Variants in INPP4B observed in about 807,000 individuals in gnomAD.
INPP4B encodes the protein inositol polyphosphate 4-phosphatase type II.
Under a neutral mutation model 122.5 loss-of-function variants are expected in INPP4B, and 55 were observed. The ratio of observed to expected loss-of-function variants is 0.45; its 90% confidence interval spans 0.36 to 0.56. The LOEUF is 0.56. Among genes scored for constraint, INPP4B ranks in the 20% least tolerant of loss-of-function variants. The pLI is 0.00. For synonymous variants in INPP4B, 403 were observed against 388.7 expected, an observed-to-expected ratio of 1.04 and a Z score of -0.43; for missense variants, 1,000 against 1,097.7, an observed-to-expected ratio of 0.91 and a Z score of 1.26.
At chr4:142,413,268 C>T (rs1044678307) in intron 5 of INPP4B, among the ~76,000 whole-genome samples, 6 of 151,776 alleles carry the variant, frequency 4.0e-5, no homozygotes, top group Non-Finnish European at 7.4e-5. Flanking sequence ...AAAGACAATA[C>T]GCATATAAGG....
At chr4:142,232,451 T>C (rs990888390) in intron 12 of INPP4B, among the ~76,000 whole-genome samples, 2 of 152,094 alleles carry the variant, frequency 1.3e-5, no homozygotes, top group Non-Finnish European at 2.9e-5. Context: ...GATATTACTA[T>C]TGTAATTATT....
At chr4:142,455,108 A>G (rs1202339211) in intron 3 of INPP4B, among the ~76,000 whole-genome samples, 1 of 152,048 alleles carries the variant, frequency 6.6e-6, no homozygotes, top group Non-Finnish European at 1.5e-5. Flanking sequence ...TGAAATAATG[A>G]CATCATGGAA....
intron 2 of INPP4B, among the ~76,000 whole-genome samples, chr4:142,602,333 G>T (rs1216871194): frequency 2.0e-5 from 3 of 152,018 alleles, no homozygotes; most frequent in Non-Finnish European, 2.9e-5. Context: ...AATCAGAGAG[G>T]ACACAAATAG....
At chr4:142,092,212 A>G (rs1421759506) in intron 23 of INPP4B, among the ~76,000 whole-genome samples, 6 of 152,216 alleles carry the variant, frequency 3.9e-5, no homozygotes, top group Non-Finnish European at 8.8e-5. Context: ...TCTTTTAGCC[A>G]CAAGACCAGA....
chr4:142,421,273 T>C (rs993524476), intron 5 of INPP4B, among the ~76,000 whole-genome samples: 13 of 152,104 alleles, frequency 8.5e-5, no homozygotes, highest in Non-Finnish European at 1.6e-4. Context: ...GTACTGCTAG[T>C]TATCCGATGC....
Position 142,408,999 on chromosome 4 carries a change from GA to G in INPP4B, c.137-3676del, listed in dbSNP as rs370354032. ...AACCATAATTTGTGACTTGTCATCA[GA>G]AAAAAAATAAAGAGCAATAAGTGAC... On this transcript the variant is annotated intron_variant, in intron 5 of 25. Coordinates refer to ENST00000262992, the MANE Select transcript of INPP4B (RefSeq NM_001101669.3). 5.1e-3 allele frequency among the ~76,000 whole-genome samples: 781 copies of G among 151,906 alleles called. 5 individuals carry two copies. The highest frequency in any genetic ancestry group is 0.018 in the African/African-American group (741 of 41,464).
intron 7 of INPP4B, among the ~76,000 whole-genome samples, chr4:142,332,706 A>G (rs1775006280): frequency 6.6e-6 from 1 of 151,976 alleles, no homozygotes; most frequent in Admixed American, 6.6e-5. Flanking sequence ...TTTCTTGTTT[A>G]AAACCTTCTA....
chr4:142,832,727 C>T (rs1782300563), intron 1 of INPP4B, among the ~76,000 whole-genome samples: 1 of 151,888 alleles, frequency 6.6e-6, no homozygotes, highest in Admixed American at 6.6e-5. Context: ...TTTTAGACAG[C>T]TCATGTCTAT....
At chr4:142,428,780 A>G (rs1171510285) in intron 5 of INPP4B, among the ~76,000 whole-genome samples, 6 of 152,040 alleles carry the variant, frequency 3.9e-5, no homozygotes, top group African/African-American at 1.4e-4. Flanking sequence ...AATGGGCAAG[A>G]ATCCTGGAAA....
At chr4:142,263,440 C>A (rs1219222038) in intron 10 of INPP4B, among the ~76,000 whole-genome samples, 1 of 151,732 alleles carries the variant, frequency 6.6e-6, no homozygotes, top group African/African-American at 2.4e-5. Flanking sequence ...TTATACGCAG[C>A]CACATATTCT....
chr4:142,308,692 C>T (rs913129281), intron 8 of INPP4B, among the ~76,000 whole-genome samples: 2 of 151,682 alleles, frequency 1.3e-5, no homozygotes, highest in African/African-American at 4.8e-5. Flanking sequence ...TTTGCTATCA[C>T]TGTCATTATA....
At chr4:142,580,164 A>G (rs1170292119) in intron 2 of INPP4B, among the ~76,000 whole-genome samples, 1 of 151,610 alleles carries the variant, frequency 6.6e-6, no homozygotes, top group Non-Finnish European at 1.5e-5. Flanking sequence ...TGGTTAAGAA[A>G]GTAGGCCCCA....
chr4:142,058,568 C>A (rs936442086), intron 25 of INPP4B, among the ~76,000 whole-genome samples: 3 of 152,072 alleles, frequency 2.0e-5, no homozygotes, highest in African/African-American at 7.2e-5. Flanking sequence ...TAAGGCACTG[C>A]AGAATTCATA....
chr4:142,535,056 T>G (rs558809608), intron 2 of INPP4B, among the ~76,000 whole-genome samples: 1 of 152,322 alleles, frequency 6.6e-6, no homozygotes, highest in Admixed American at 6.5e-5. Context: ...TTATCATACA[T>G]TATCAAAAGG....
At chr4:142,387,017 T>G (rs766319243) in intron 7 of INPP4B, among the ~76,000 whole-genome samples, 3 of 152,140 alleles carry the variant, frequency 2.0e-5, no homozygotes, top group African/African-American at 7.2e-5. Context: ...CTCTCTGAGT[T>G]TCTTTGAGCA....
intron 17 of INPP4B, among the ~76,000 whole-genome samples, chr4:142,147,295 A>T (rs1368435576): frequency 6.6e-6 from 1 of 152,212 alleles, no homozygotes; most frequent in Non-Finnish European, 1.5e-5. Flanking sequence ...CTTCATAAAC[A>T]TATAAATTAA....
intron 7 of INPP4B, among the ~76,000 whole-genome samples, chr4:142,319,784 ATCACTACTGTAGTAGACTGTTAAATAAT>A (rs1173993773): frequency 6.6e-6 from 1 of 152,204 alleles, no homozygotes; most frequent in African/African-American, 2.4e-5. Context: ...TCTGCCAACC[ATCACTACTGTAGTAGACTGTTAAATAAT>A]TGTGTTAGCT....
intron 2 of INPP4B, among the ~76,000 whole-genome samples, chr4:142,584,218 A>T (rs1198370863): frequency 6.6e-6 from 1 of 152,144 alleles, no homozygotes; most frequent in Non-Finnish European, 1.5e-5. Context: ...TTGTTAAGAT[A>T]GTAAAGAGAG....
chr4:142,510,326 G>A (rs1221349371), intron 2 of INPP4B, among the ~76,000 whole-genome samples: 2 of 152,078 alleles, frequency 1.3e-5, no homozygotes, highest in Non-Finnish European at 2.9e-5. Flanking sequence ...TCTCCCTAGA[G>A]GAATTACTAA....
Sources: gnomAD v4.1 joint callset for allele counts (sites outside exome capture counted in the v4.1 genomes callset) on GRCh38, gnomAD v4.1.1 for gene constraint, MANE v1.5 for transcripts, NCBI Gene and HGNC (gene_info 2026-07-23, HGNC 2026-07-21) for gene names.